The following SNTG1 variants were observed in gnomAD, a reference collection of about 807,000 sequenced individuals.
SNTG1 encodes syntrophin gamma 1.
In SNTG1, 39 loss-of-function variants were observed where a neutral mutation model predicts 74.7. The observed-to-expected ratio is 0.52, with a 90% CI of 0.40 to 0.68. SNTG1 has a LOEUF of 0.68. Among genes scored for constraint, SNTG1 ranks in the 30% least tolerant of loss-of-function variants. SNTG1 has a pLI of 0.00. For synonymous variants in SNTG1, 254 were observed against 217.1 expected, an observed-to-expected ratio of 1.17 and a Z score of -1.49; for missense variants, 685 against 609.5, an observed-to-expected ratio of 1.12 and a Z score of -1.30.
intron 2 of SNTG1, among the ~76,000 whole-genome samples, chr8:50,254,988 A>ATCACCT (rs2086817657): frequency 2.5e-5 from 1 of 40,714 alleles, no homozygotes; most frequent in Non-Finnish European, 4.6e-5. Flanking sequence ...AGACATTTTT[A>ATCACCT]TCACCTTCTG....
At chr8:50,130,258 CA>C (rs1351087909) in intron 1 of SNTG1, among the ~76,000 whole-genome samples, 1 of 151,926 alleles carries the variant, frequency 6.6e-6, no homozygotes, top group Non-Finnish European at 1.5e-5. Context: ...TCAAAGAAAG[CA>C]AAATGGGAGG....
At chr8:50,739,718 A>G (rs779364554) in intron 17 of SNTG1, among the ~76,000 whole-genome samples, 1 of 151,904 alleles carries the variant, frequency 6.6e-6, no homozygotes, top group Non-Finnish European at 1.5e-5. Context: ...GCATCACTCC[A>G]TTTGATTTTA....
chr8:50,379,297 A>C (rs2131213903), intron 2 of SNTG1, among the ~76,000 whole-genome samples: 1 of 152,236 alleles, frequency 6.6e-6, no homozygotes, highest in East Asian at 1.9e-4. Context: ...AGGCAGCAGG[A>C]GTAGGCACTT....
chr8:50,448,819 G>T (rs2093429243), intron 5 of SNTG1, among the ~76,000 whole-genome samples: 1 of 152,060 alleles, frequency 6.6e-6, no homozygotes, highest in African/African-American at 2.4e-5. Flanking sequence ...TGGATCACGA[G>T]GTCAGGAGAT....
intron 1 of SNTG1, among the ~76,000 whole-genome samples, chr8:49,939,051 A>T (rs1353291481): frequency 6.6e-6 from 1 of 152,156 alleles, no homozygotes; most frequent in Non-Finnish European, 1.5e-5. Context: ...TATTTCACTG[A>T]TTAACTTATG....
At chr8:50,111,595 AGT>A (rs2080592182) in intron 1 of SNTG1, among the ~76,000 whole-genome samples, 1 of 152,148 alleles carries the variant, frequency 6.6e-6, no homozygotes, top group Non-Finnish European at 1.5e-5. Context: ...TAAGCCACCA[AGT>A]CTATGATATT....
At chr8:50,687,083 C>T (rs1485477952) in intron 15 of SNTG1, among the ~76,000 whole-genome samples, 4 of 149,106 alleles carry the variant, frequency 2.7e-5, no homozygotes, top group African/African-American at 7.4e-5. Context: ...TGCAGTGAGC[C>T]GAGATTGCGC....
intron 12 of SNTG1, among the ~76,000 whole-genome samples, chr8:50,556,113 C>T (rs1182362981): frequency 6.6e-6 from 1 of 152,098 alleles, no homozygotes; most frequent in Non-Finnish European, 1.5e-5. Flanking sequence ...TAGGCAAACA[C>T]TGACAATGTA....
At chr8:50,329,192 C>A (rs2090866306) in intron 2 of SNTG1, among the ~76,000 whole-genome samples, 1 of 152,172 alleles carries the variant, frequency 6.6e-6, no homozygotes, top group Admixed American at 6.5e-5. Flanking sequence ...GCTTTCACAG[C>A]TGGCATTGTC....
rs568497066 is a variant in SNTG1, at chr8:50,117,692, G to A, written c.-102-54869G>A. 7.6e-4 allele frequency among the ~76,000 whole-genome samples: 115 copies of A among 152,190 alleles called. No homozygotes were observed. In the South Asian group the frequency reaches 0.013, roughly 18 times the overall value. ...CTCTCACTATATTTCAGTGAGTAGCGAAGTCTCTCTCCTGGTCACTGAGTT... is the reference window on the plus strand; with the variant it reads ...CTCTCACTATATTTCAGTGAGTAGCAAAGTCTCTCTCCTGGTCACTGAGTT... On this transcript the variant is annotated intron_variant, in intron 1 of 18. Transcript: ENST00000642720.
intron 12 of SNTG1, among the ~76,000 whole-genome samples, chr8:50,587,000 A>G (rs1017260223): frequency 1.3e-5 from 2 of 152,108 alleles, no homozygotes; most frequent in Non-Finnish European, 2.9e-5. Flanking sequence ...TGTATTTATA[A>G]CTGTCAGTAT....
chr8:50,103,276 G>A (rs549006439), intron 1 of SNTG1, among the ~76,000 whole-genome samples: 186 of 152,152 alleles, frequency 1.2e-3, no homozygotes, highest in African/African-American at 4.2e-3. Flanking sequence ...GGTCCTTCAC[G>A]TCCTTAGTAA....
At chr8:50,022,397 C>T (rs1265605873) in intron 1 of SNTG1, among the ~76,000 whole-genome samples, 5 of 152,196 alleles carry the variant, frequency 3.3e-5, no homozygotes, top group Non-Finnish European at 5.9e-5. Context: ...GAGTCCGATG[C>T]TGCCAGTGAA....
At chr8:49,986,736 C>A (rs898477217) in intron 1 of SNTG1, among the ~76,000 whole-genome samples, 3 of 135,472 alleles carry the variant, frequency 2.2e-5, no homozygotes, top group Non-Finnish European at 4.9e-5. Flanking sequence ...AAAAAAATAG[C>A]CAGGTGTTGT....
At chr8:49,944,331 T>C (rs1808962526) in intron 1 of SNTG1, among the ~76,000 whole-genome samples, 1 of 152,114 alleles carries the variant, frequency 6.6e-6, no homozygotes. Flanking sequence ...ATTTGCTACA[T>C]CCTTCATTCT....
At chr8:50,544,907 G>C (rs1380988623) in intron 11 of SNTG1, among the ~76,000 whole-genome samples, 2 of 151,838 alleles carry the variant, frequency 1.3e-5, no homozygotes, top group Non-Finnish European at 2.9e-5. Flanking sequence ...ATAAATAAGT[G>C]ATTTATAATA....
At chr8:50,103,902 G>A (rs933468375) in intron 1 of SNTG1, among the ~76,000 whole-genome samples, 34 of 152,272 alleles carry the variant, frequency 2.2e-4, no homozygotes, top group Admixed American at 2.1e-3. Flanking sequence ...TGCATCCCAG[G>A]GATGAAGCCC....
intron 8 of SNTG1, among the ~76,000 whole-genome samples, chr8:50,488,974 G>A (rs974559004): frequency 3.3e-5 from 5 of 151,816 alleles, no homozygotes; most frequent in Admixed American, 2.6e-4. Flanking sequence ...TCCCCTCCCT[G>A]TGTCCCTGTG....
chr8:50,413,705 A>T (rs544906010), intron 4 of SNTG1, among the ~76,000 whole-genome samples: 41 of 152,296 alleles, frequency 2.7e-4, no homozygotes, highest in Non-Finnish European at 5.0e-4. Context: ...ATTTGGATGG[A>T]TGTTAGATCA....
Sources: allele counts gnomAD v4.1 joint callset (sites outside exome capture counted in the v4.1 genomes callset), GRCh38; gene constraint gnomAD v4.1.1; transcripts MANE v1.5; gene names NCBI Gene and HGNC (gene_info 2026-07-23, HGNC 2026-07-21).